RABGAP1L: variants seen among roughly 807,000 people sequenced by gnomAD.
The protein encoded by RABGAP1L is rab GTPase-activating protein 1-like.
RABGAP1L carries 63 observed loss-of-function variants against 137.7 expected under a neutral mutation model. That is an observed-to-expected ratio of 0.46 (90% CI 0.37 to 0.56). The LOEUF is 0.56. Ranked by LOEUF, RABGAP1L falls within the 20% of genes least tolerant of loss-of-function variation. The pLI is 0.00. For synonymous variants in RABGAP1L, 431 were observed against 433.7 expected (o/e 0.99, Z 0.08); for missense variants, 1,095 against 1,244.0 (o/e 0.88, Z 1.80).
At chr1:174,475,908 A>G (rs1287474918) in intron 13 of RABGAP1L, among the ~76,000 whole-genome samples, 1 of 151,996 alleles carries the variant, frequency 6.6e-6, no homozygotes, top group Non-Finnish European at 1.5e-5. Context: ...TTATTAGAAC[A>G]TTATATATGT....
In RABGAP1L at chr1:174,691,565, T is replaced by G. The variant is rs564835180; in HGVS notation, c.1900-7960T>G. Among the ~76,000 whole-genome samples the G allele has an allele frequency of 2.0e-5, 3 of 152,370 alleles. No homozygotes were observed. The South Asian group carries it at 6.2e-4, about 32-fold the overall frequency. ...AGCCATGGATGATATTTTGATATCT[T>G]AAATTATAATATTTTAATGTTTATC... On this transcript the variant is annotated intron_variant, in intron 15 of 25. Coordinates refer to ENST00000681986, the MANE Select transcript of RABGAP1L (RefSeq NM_001366446.1).
intron 14 of RABGAP1L, among the ~76,000 whole-genome samples, chr1:174,679,336 A>G (rs765859997): frequency 6.6e-5 from 10 of 152,306 alleles, no homozygotes; most frequent in Middle Eastern, 6.8e-3. Flanking sequence ...CTGTCTCTCA[A>G]TTGCAATAGA....
chr1:174,169,972 C>G (rs1004608364), intron 1 of RABGAP1L, among the ~76,000 whole-genome samples: 5 of 152,210 alleles, frequency 3.3e-5, no homozygotes, highest in African/African-American at 7.2e-5. Flanking sequence ...ATGTGAGCCA[C>G]TAAACCCTGC....
At chr1:174,307,285 T>C (rs1678370554) in intron 11 of RABGAP1L, among the ~76,000 whole-genome samples, 1 of 152,192 alleles carries the variant, frequency 6.6e-6, no homozygotes, top group South Asian at 2.1e-4. Flanking sequence ...CAGCTCACTT[T>C]TAAAACTAAG....
intron 7 of RABGAP1L, among the ~76,000 whole-genome samples, chr1:174,254,851 G>A (rs561856212): frequency 1.3e-5 from 2 of 152,220 alleles, no homozygotes; most frequent in East Asian, 3.9e-4. Context: ...AGGTATATAC[G>A]CAGTAATGGG....
rs79368665 is a variant in RABGAP1L, at chr1:174,441,835, CT to C, written c.1710+47705del. Among the ~76,000 whole-genome samples the C allele has an allele frequency of 6.4e-3, 886 of 138,614 alleles. 1 individual carries two copies. The highest frequency in any genetic ancestry group is 0.011 in the Middle Eastern group (3 of 270). The allele number at this position is 138,614 out of a possible 152,430, so 90.9% of individuals were successfully genotyped here. Reference sequence around the variant, plus strand: ...AAAAAACTACTTTGAGCTGCTGAAGCTTTTTTTTTTTTTTTAAAGTTGGTGG... The same window carrying C: ...AAAAAACTACTTTGAGCTGCTGAAGCTTTTTTTTTTTTTTAAAGTTGGTGG... On this transcript the variant is annotated intron_variant, in intron 13 of 25. Transcript: ENST00000681986.
In RABGAP1L at chr1:174,520,845, A is replaced by G. The variant is rs34515067; in HGVS notation, c.1711-116530A>G. On this transcript the variant is annotated intron_variant, in intron 13 of 25. Coordinates refer to ENST00000681986, the MANE Select transcript of RABGAP1L (RefSeq NM_001366446.1). ...GTGAAACCCCGTCTCTACTAAAAAT[A>G]TAAAAATTAGCTGGGCATGGTGGTG... Among the ~76,000 whole-genome samples the G allele has an allele frequency of 7.0e-3, 1,063 of 152,194 alleles. 5 individuals carry two copies. Among genetic ancestry groups the G allele is most frequent in the Non-Finnish European group, 9.5e-3 (647 of 67,998 alleles).
chr1:174,197,125 G>C (rs1218681049), intron 1 of RABGAP1L, among the ~76,000 whole-genome samples: 1 of 152,188 alleles, frequency 6.6e-6, no homozygotes, highest in Non-Finnish European at 1.5e-5. Context: ...CAGGCACTGT[G>C]CCCAGTGCTT....
rs59344382 is a variant in RABGAP1L, at chr1:174,284,734, C to CTTTTTTTTTTTTTTTT, written c.1323+5966_1323+5981dup. Among the ~76,000 whole-genome samples, 5 of 42,622 alleles carry CTTTTTTTTTTTTTTTT rather than the reference C, an allele frequency of 1.2e-4. 1 individual carries two copies. Among genetic ancestry groups the CTTTTTTTTTTTTTTTT allele is most frequent in the Non-Finnish European group, 1.8e-4 (4 of 22,006 alleles). The allele number at this position is 42,622 out of a possible 152,430, so 28.0% of individuals were successfully genotyped here. Reference sequence around the variant, plus strand: ...CTCACCAACATTTGTTATTTCTTGTCTTTTTTTTTTTTTTTTTTTTTTTTT... The same window carrying CTTTTTTTTTTTTTTTT: ...CTCACCAACATTTGTTATTTCTTGTCTTTTTTTTTTTTTTTTTTTTTTTTTTTTTTTTTTTTTTTTT... On this transcript the variant is annotated intron_variant, in intron 10 of 25. Coordinates refer to ENST00000681986, the MANE Select transcript of RABGAP1L (RefSeq NM_001366446.1).
chr1:174,377,255 A>G (rs193102128), intron 12 of RABGAP1L, among the ~76,000 whole-genome samples: 5 of 152,314 alleles, frequency 3.3e-5, no homozygotes, highest in Admixed American at 2.0e-4. Flanking sequence ...AAAAATCTCA[A>G]TATTATTAAG....
chr1:174,601,577 A>G (rs940112451), intron 13 of RABGAP1L, among the ~76,000 whole-genome samples: 2 of 152,084 alleles, frequency 1.3e-5, no homozygotes, highest in African/African-American at 2.4e-5. Flanking sequence ...GCAAACCAAC[A>G]TGGCATATGT....
At chr1:174,903,818 C>T (rs750557050) in intron 19 of RABGAP1L, among the ~76,000 whole-genome samples, 11 of 151,930 alleles carry the variant, frequency 7.2e-5, no homozygotes, top group Non-Finnish European at 1.3e-4. Flanking sequence ...GACATGGTAG[C>T]GCATGCTTGT....
At chr1:174,810,944 A>T (rs1385622329) in intron 18 of RABGAP1L, among the ~76,000 whole-genome samples, 1 of 151,900 alleles carries the variant, frequency 6.6e-6, no homozygotes, top group East Asian at 1.9e-4. Context: ...AAAAAAAAAA[A>T]AATTATAAGT....
At chr1:174,250,751 C>T in intron 6 of RABGAP1L, 119 bp downstream of exon 6, 2 of 853,308 alleles carry the variant, frequency 2.3e-6, no homozygotes, top group Non-Finnish European at 3.5e-6. Flanking sequence ...AAATATTTGG[C>T]TGGTGAATTA....
chr1:174,295,784 C>T (rs189464935), intron 10 of RABGAP1L, among the ~76,000 whole-genome samples: 123 of 151,762 alleles, frequency 8.1e-4, no homozygotes, highest in Non-Finnish European at 1.2e-3. Context: ...CTCTCAAAGT[C>T]CTGGGACTAT....
intron 14 of RABGAP1L, among the ~76,000 whole-genome samples, chr1:174,639,637 A>G (rs1399519730): frequency 1.3e-5 from 2 of 152,110 alleles, no homozygotes; most frequent in South Asian, 2.1e-4. Flanking sequence ...TTCTTCACAT[A>G]ACTAAAACAG....
intron 10 of RABGAP1L, among the ~76,000 whole-genome samples, chr1:174,292,047 T>TTATTATTAC (rs1676661814): frequency 6.8e-6 from 1 of 147,976 alleles, no homozygotes; most frequent in African/African-American, 2.5e-5. Context: ...ATTATTATTA[T>TTATTATTAC]TATTATTATT....
At chr1:174,250,677 A>C (rs1187584353) in intron 6 of RABGAP1L, 45 bp downstream of exon 6, 2 of 1,551,448 alleles carry the variant, frequency 1.3e-6, no homozygotes, top group South Asian at 2.4e-5. Context: ...TATCTGGAGT[A>C]TAATATAGGC....
chr1:174,867,938 C>T (rs920761211), intron 19 of RABGAP1L, among the ~76,000 whole-genome samples: 1 of 151,750 alleles, frequency 6.6e-6, no homozygotes. Context: ...AGCCACTGAG[C>T]CCAGCCAAAG....
Sources: allele counts gnomAD v4.1 joint callset (sites outside exome capture counted in the v4.1 genomes callset), GRCh38; gene constraint gnomAD v4.1.1; transcripts MANE v1.5; gene names NCBI Gene and HGNC (gene_info 2026-07-23, HGNC 2026-07-21).